CLVS1: variants seen among roughly 807,000 people sequenced by gnomAD.
CLVS1 encodes the protein clavesin 1.
CLVS1 carries 10 observed loss-of-function variants against 33.1 expected under a neutral mutation model. The ratio of observed to expected loss-of-function variants is 0.30; its 90% CI spans 0.19 to 0.51. CLVS1 has a LOEUF of 0.51. Ranked by LOEUF, CLVS1 falls within the 20% of genes least tolerant of loss-of-function variation. The pLI is 0.97. For missense variants in CLVS1, 343 were observed against 433.4 expected (o/e 0.79, Z 1.85); for synonymous variants, 163 against 166.1 (o/e 0.98, Z 0.14).
intron 1 of CLVS1, among the ~76,000 whole-genome samples, chr8:61,067,140 G>A (rs1278437140): frequency 6.6e-6 from 1 of 152,136 alleles, no homozygotes; most frequent in Non-Finnish European, 1.5e-5. Flanking sequence ...ACCCTGACCT[G>A]TATTGACTGC....
chr8:61,483,154 C>G (rs532759594), intron 5 of CLVS1, among the ~76,000 whole-genome samples: 3 of 152,122 alleles, frequency 2.0e-5, no homozygotes, highest in Non-Finnish European at 2.9e-5. Flanking sequence ...AATCCAGGAG[C>G]TGGTTTTTTG....
chr8:61,333,877 C>T (rs1377603164), intron 2 of CLVS1, among the ~76,000 whole-genome samples: 1 of 152,086 alleles, frequency 6.6e-6, no homozygotes, highest in Non-Finnish European at 1.5e-5. Context: ...CCAATAGACC[C>T]CAGTGTGTGC....
chr8:61,387,341 C>A (rs988373015), intron 3 of CLVS1, among the ~76,000 whole-genome samples: 1 of 152,086 alleles, frequency 6.6e-6, no homozygotes, highest in African/African-American at 2.4e-5. Context: ...GAGCCAAGAT[C>A]ATGCCACTGC....
At chr8:61,323,453 G>T (rs748474907) in intron 2 of CLVS1, among the ~76,000 whole-genome samples, 4 of 152,146 alleles carry the variant, frequency 2.6e-5, no homozygotes, top group African/African-American at 4.8e-5. Context: ...TAGGTTGAAA[G>T]AAATTGTTGA....
At chr8:61,365,524 T>C (rs1813164781) in intron 2 of CLVS1, among the ~76,000 whole-genome samples, 1 of 113,344 alleles carries the variant, frequency 8.8e-6, no homozygotes, top group Non-Finnish European at 2.0e-5. Context: ...TGAAACACCA[T>C]GTCAAAAAAA....
intron 2 of CLVS1, among the ~76,000 whole-genome samples, chr8:61,266,293 C>CT (rs35496534): frequency 1.6e-3 from 223 of 139,102 alleles, no homozygotes; most frequent in Non-Finnish European, 1.9e-3. Context: ...AATTTTCTTT[C>CT]TTTTTTTTTT....
At chr8:61,308,656 G>C (rs1385090843) in intron 2 of CLVS1, among the ~76,000 whole-genome samples, 4 of 152,120 alleles carry the variant, frequency 2.6e-5, no homozygotes, top group African/African-American at 9.7e-5. Context: ...TAGGGGAGCT[G>C]GGGCCCACCT....
intron 2 of CLVS1, among the ~76,000 whole-genome samples, chr8:61,359,497 A>G (rs1812881142): frequency 6.6e-6 from 1 of 152,098 alleles, no homozygotes; most frequent in Non-Finnish European, 1.5e-5. Flanking sequence ...CTGGGGTGAT[A>G]GGCAAGTGCC....
chr8:61,151,502 T>C (rs1806534498), intron 2 of CLVS1, among the ~76,000 whole-genome samples: 2 of 152,188 alleles, frequency 1.3e-5, no homozygotes, highest in African/African-American at 4.8e-5. Context: ...ATCAGCCTTA[T>C]TTCTGTTTCT....
Position 61,388,423 on chromosome 8 carries a change from C to T in CLVS1, c.630+11644C>T, listed in dbSNP as rs186713684. ...TAATATTTTTATAAAAGATCTGAAACGATTAATGTCTATATTTAGAATTTA... is the reference window on the plus strand; with the variant it reads ...TAATATTTTTATAAAAGATCTGAAATGATTAATGTCTATATTTAGAATTTA... On this transcript the variant is annotated intron_variant, in intron 3 of 5. Coordinates refer to ENST00000325897, the MANE Select transcript of CLVS1 (RefSeq NM_173519.3). 3.8e-3 allele frequency among the ~76,000 whole-genome samples: 571 copies of T among 150,870 alleles called. 1 individual carries two copies. The highest frequency in any genetic ancestry group is 5.8e-3 in the Non-Finnish European group (393 of 67,660).
chr8:61,370,132 A>G (rs1477200464), intron 2 of CLVS1, among the ~76,000 whole-genome samples: 1 of 152,224 alleles, frequency 6.6e-6, no homozygotes, highest in Non-Finnish European at 1.5e-5. Context: ...TTCCAAAGTC[A>G]AATCATCATA....
At chr8:61,493,248 A>G (rs1354170275) in intron 5 of CLVS1, among the ~76,000 whole-genome samples, 1 of 152,212 alleles carries the variant, frequency 6.6e-6, no homozygotes, top group Non-Finnish European at 1.5e-5. Flanking sequence ...ATGTGTCAGT[A>G]CACACAATTG....
intron 2 of CLVS1, among the ~76,000 whole-genome samples, chr8:61,251,472 AG>A (rs1808947283): frequency 6.6e-6 from 1 of 152,178 alleles, no homozygotes; most frequent in Non-Finnish European, 1.5e-5. Flanking sequence ...TGTTTGGAAT[AG>A]TTTCAGAAGG....
rs10104219 is a variant in CLVS1 at position 61,111,106 on chromosome 8, C to A, written c.-242-20664C>A. Among the ~76,000 whole-genome samples, 823 of 152,166 alleles carry A rather than the reference C, an allele frequency of 5.4e-3. 12 individuals are homozygous for A. Among genetic ancestry groups the A allele is most frequent in the African/African-American group, 0.019 (778 of 41,494 alleles). ...ACTAAATGTTTAATTTTTTGAGGAA[C>A]CTTCATACTGTTTGCAGTAGTGGAA... On this transcript the variant is annotated intron_variant, in intron 1 of 2. Coordinates refer to the CLVS1 transcript ENST00000522621.
chr8:61,092,532 C>A (rs1374499132), intron 1 of CLVS1, among the ~76,000 whole-genome samples: 1 of 152,204 alleles, frequency 6.6e-6, no homozygotes, highest in African/African-American at 2.4e-5. Context: ...TAGGTGTTTG[C>A]AAAGTTTCCT....
intron 1 of CLVS1, chr8:61,292,219 G>C (rs1810020380): frequency 2.6e-6 from 1 of 388,866 alleles, no homozygotes; most frequent in African/African-American, 2.1e-5. Context: ...AGAAATAAGA[G>C]CTCAGAAATT....
At chr8:61,072,388 A>G (rs917976793) in intron 1 of CLVS1, among the ~76,000 whole-genome samples, 1 of 152,228 alleles carries the variant, frequency 6.6e-6, no homozygotes, top group Non-Finnish European at 1.5e-5. Context: ...ACAGTTTCCT[A>G]AGACCCCCTC....
At chr8:61,097,560 G>A (rs1376214542) in intron 1 of CLVS1, among the ~76,000 whole-genome samples, 2 of 152,182 alleles carry the variant, frequency 1.3e-5, no homozygotes, top group African/African-American at 2.4e-5. Flanking sequence ...TGGAAGAAGA[G>A]AGAGTTCTCT....
At chr8:61,268,974 T>C (rs1246705966) in intron 2 of CLVS1, among the ~76,000 whole-genome samples, 2 of 124,892 alleles carry the variant, frequency 1.6e-5, no homozygotes, top group South Asian at 6.7e-4. Flanking sequence ...GGTTGCCTGT[T>C]CACTCTGATG....
Sources: allele counts gnomAD v4.1 joint callset (sites outside exome capture counted in the v4.1 genomes callset), GRCh38; gene constraint gnomAD v4.1.1; transcripts MANE v1.5; gene names NCBI Gene and HGNC (gene_info 2026-07-23, HGNC 2026-07-21).